EFCAB12: variants seen among roughly 807,000 people sequenced by gnomAD.
EFCAB12 encodes the protein EF-hand calcium binding domain 12.
EFCAB12 carries 43 observed loss-of-function variants against 53.6 expected under a neutral mutation model. The observed-to-expected ratio is 0.80, with a 90% CI of 0.63 to 1.03. EFCAB12 has a LOEUF of 1.03. Among genes scored for constraint, EFCAB12 ranks in the 50% least tolerant of loss-of-function variants. The pLI, the probability that EFCAB12 is intolerant of heterozygous loss-of-function variation, is 0.00. For missense variants in EFCAB12, 646 were observed against 730.6 expected (o/e 0.88, Z 1.34); for synonymous variants, 269 against 289.2 (o/e 0.93, Z 0.71).
At chr3:129,412,603 A>T (rs2072060209) in intron 4 of EFCAB12, 1 of 152,342 alleles carries the variant, frequency 6.6e-6, no homozygotes, top group Non-Finnish European at 1.5e-5. Flanking sequence ...CTGCCTTCCC[A>T]CCTGGTCCAT....
rs746781760 is a variant in EFCAB12, at chr3:129,428,430, C to T, written c.49+10G>A. The T allele has an allele frequency of 7.5e-6, 12 of 1,604,514 alleles. No individual in the cohort carries two copies. The highest frequency in any genetic ancestry group is 3.4e-5 in the Admixed American group (2 of 58,626). Reference sequence around the variant, plus strand: ...AGCGCTCCCTGCAGACGCTTCTTCCCGGGGCTTACCGAGCAGCGACAAGAA... The same window carrying T: ...AGCGCTCCCTGCAGACGCTTCTTCCTGGGGCTTACCGAGCAGCGACAAGAA... On this transcript the variant is annotated intron_variant, in intron 1 of 8. Transcript: ENST00000505956.
chr3:129,402,551 G>A lies in EFCAB12; in HGVS notation c.1432C>T (p.Arg478Cys), dbSNP rs574254518. Residue 478 changes from arginine (R) to cysteine (C), a missense_variant, in exon 8 of 9, where the codon CGC (arginine) becomes TGC (cysteine). Coordinates refer to ENST00000505956, the MANE Select transcript of EFCAB12 (RefSeq NM_207307.3). ...KKTPKKSKKMRFKEFEEFTRK... is the reference protein window; with the variant it reads ...KKTPKKSKKMCFKEFEEFTRK... ...GTAAATTCCTCAAACTCCTTAAAGC[G>A]CATTTTCTTGCTTTTCTTTGGCGTT... The A allele has an allele frequency of 1.2e-5, 20 of 1,612,618 alleles. No homozygotes were observed. The highest frequency in any genetic ancestry group is 3.3e-4 in the Middle Eastern group (2 of 6,056).
At chr3:129,405,425 A>G (rs2071936253) in intron 6 of EFCAB12, among the ~76,000 whole-genome samples, 1 of 152,208 alleles carries the variant, frequency 6.6e-6, no homozygotes, top group Non-Finnish European at 1.5e-5. Context: ...AAAGGTACAC[A>G]TGATTTTTTA....
At chr3:129,412,080 G>A (rs1354677625) in intron 4 of EFCAB12, 1 of 152,250 alleles carries the variant, frequency 6.6e-6, no homozygotes, top group Non-Finnish European at 1.5e-5. Context: ...GTGCAGTGGT[G>A]TGCACCTGTA....
At chr3:129,423,376 A>G (rs1433095957) in intron 1 of EFCAB12, among the ~76,000 whole-genome samples, 1 of 152,148 alleles carries the variant, frequency 6.6e-6, no homozygotes, top group East Asian at 1.9e-4. Flanking sequence ...CCTGTAATCC[A>G]AGCACTTTGG....
chr3:129,425,547 C>T (rs1010539813), intron 1 of EFCAB12, among the ~76,000 whole-genome samples: 4 of 152,136 alleles, frequency 2.6e-5, no homozygotes, highest in South Asian at 2.1e-4. Context: ...TTCCCCTGGC[C>T]GAGTCATTCT....
At chr3:129,426,720 A>G (rs1185883273) in intron 1 of EFCAB12, among the ~76,000 whole-genome samples, 4 of 151,770 alleles carry the variant, frequency 2.6e-5, no homozygotes, top group African/African-American at 9.7e-5. Context: ...TCTGTTCCCC[A>G]AGCTGGAGTA....
In EFCAB12 at chr3:129,418,325, T is replaced by C. The variant is rs1237003163; in HGVS notation, c.610A>G (p.Ile204Val). 6.2e-7 allele frequency: 1 copy of C among 1,613,554 alleles called. No homozygotes were observed. Among genetic ancestry groups the C allele is most frequent in the Non-Finnish European group, 8.5e-7 (1 of 1,179,710 alleles). ...LHSRKIKILE[I>V]FHKVGQGENQ... is the part of the protein sequence containing the mutation. ...TCACCCTGGCCCACCTTGTGAAATA[T>C]CTCCAGGATCTTGATCTTGCGGCTA... Residue 204 changes from isoleucine (I) to valine (V), a missense_variant, in exon 3 of 9, where the codon ATA (isoleucine) becomes GTA (valine). Coordinates refer to ENST00000505956, the MANE Select transcript of EFCAB12 (RefSeq NM_207307.3).
intron 1 of EFCAB12, among the ~76,000 whole-genome samples, chr3:129,426,770 G>A (rs28438686): frequency 0.38 from 57,285 of 151,210 alleles, 17,563 homozygotes; most frequent in African/African-American, 0.83. Flanking sequence ...TTGAACTCCT[G>A]GGCTCAAATG....
chr3:129,408,594 G>T (rs2071984412), intron 6 of EFCAB12, 51 bp downstream of exon 6: 1 of 1,543,512 alleles, frequency 6.5e-7, no homozygotes, highest in Middle Eastern at 1.7e-4. Context: ...CCTCACCCCA[G>T]CTCTGGGGTT....
chr3:129,404,222 C>A (rs544960708), intron 7 of EFCAB12, 28 bp downstream of exon 7: 11 of 1,602,474 alleles, frequency 6.9e-6, no homozygotes, highest in Non-Finnish European at 9.4e-6. Context: ...GAGGCCAAGG[C>A]AGGGAGAAAG....
intron 1 of EFCAB12, among the ~76,000 whole-genome samples, chr3:129,425,669 T>C (rs1223521894): frequency 3.9e-5 from 6 of 152,166 alleles, no homozygotes; most frequent in African/African-American, 1.4e-4. Context: ...CTGTGTCCAT[T>C]GACAGAAAGG....
Position 129,401,400 on chromosome 3 carries a change from A to T in EFCAB12, c.*193T>A. The T allele has an allele frequency of 4.5e-6, 3 of 671,010 alleles. No homozygotes were observed. Among genetic ancestry groups the T allele is most frequent in the Non-Finnish European group, 6.8e-6 (3 of 438,168 alleles). 41.6% of individuals were successfully genotyped at this position (671,010 alleles called of 1,614,324 possible). ...GGGAAATAGTCAAAAACTGCACGTC[A>T]TTCCTTGGACACATCTACCCTCTGA... On this transcript the variant is annotated 3_prime_UTR_variant, in exon 9 of 9. Transcript: ENST00000505956.
intron 1 of EFCAB12, among the ~76,000 whole-genome samples, chr3:129,426,120 C>T (rs1383990990): frequency 6.6e-6 from 1 of 152,188 alleles, no homozygotes; most frequent in East Asian, 1.9e-4. Context: ...AATTCTACCT[C>T]TCCGGCTATT....
At chr3:129,424,716 G>C (rs6783170) in intron 1 of EFCAB12, among the ~76,000 whole-genome samples, 1 of 152,140 alleles carries the variant, frequency 6.6e-6, no homozygotes, top group East Asian at 1.9e-4. Context: ...TCCCAGCAGG[G>C]GATGACTGAG....
chr3:129,420,907 G>A (rs2072179527), intron 2 of EFCAB12, among the ~76,000 whole-genome samples: 1 of 152,232 alleles, frequency 6.6e-6, no homozygotes, highest in African/African-American at 2.4e-5. Flanking sequence ...TTCACTCTGG[G>A]GGATGCCAGC....
chr3:129,409,789 A>G (rs976992336), intron 5 of EFCAB12, among the ~76,000 whole-genome samples: 1 of 152,172 alleles, frequency 6.6e-6, no homozygotes, highest in African/African-American at 2.4e-5. Context: ...CAGACAAGAC[A>G]TGGCTCACCA....
chr3:129,426,167 G>A (rs2072268201), intron 1 of EFCAB12, among the ~76,000 whole-genome samples: 1 of 151,994 alleles, frequency 6.6e-6, no homozygotes, highest in Non-Finnish European at 1.5e-5. Flanking sequence ...ACTCCTTAAA[G>A]GTTGTTGCTT....
At position 129,418,252 on chromosome 3, in the gene EFCAB12, ACTGCCTTTACAGCCGC is replaced by A; in HGVS notation, c.667_681+1del. 6.2e-7 allele frequency: 1 copy of A among 1,604,870 alleles called. No homozygotes were observed. Among genetic ancestry groups the A allele is most frequent in the Non-Finnish European group, 8.5e-7 (1 of 1,174,334 alleles). On this transcript the variant is annotated splice_donor_variant and coding_sequence_variant, in exon 3 of 9. Coordinates refer to ENST00000505956, the MANE Select transcript of EFCAB12 (RefSeq NM_207307.3). LOFTEE classifies it high-confidence loss of function. Reference sequence around the variant, plus strand: ...CATCCAGAGAAAGCAGGTGGCACTTACTGCCTTTACAGCCGCGATGAACTCCTCCCTGGTGATTCTC... The same window carrying A: ...CATCCAGAGAAAGCAGGTGGCACTTAGATGAACTCCTCCCTGGTGATTCTC...
Sources: allele counts gnomAD v4.1 joint callset (sites outside exome capture counted in the v4.1 genomes callset), GRCh38; gene constraint gnomAD v4.1.1; transcripts MANE v1.5; gene names NCBI Gene and HGNC (gene_info 2026-07-23, HGNC 2026-07-21).